The following RABGAP1 variants were observed in gnomAD, a reference collection of about 807,000 sequenced individuals.
RABGAP1 encodes rab GTPase-activating protein 1.
Under a neutral mutation model 137.6 loss-of-function variants are expected in RABGAP1, and 23 were observed. The ratio of observed to expected loss-of-function variants is 0.17; its 90% CI spans 0.12 to 0.24. The LOEUF is 0.24. Ranked by LOEUF, RABGAP1 falls within the 10% of genes least tolerant of loss-of-function variation. RABGAP1 has a pLI of 1.00. For synonymous variants in RABGAP1, 451 were observed against 450.7 expected (o/e 1.00, Z -0.01); for missense variants, 906 against 1,275.8 (o/e 0.71, Z 4.42).
chr9:123,091,098 A>C (rs568614205), intron 21 of RABGAP1, among the ~76,000 whole-genome samples: 1 of 152,366 alleles, frequency 6.6e-6, no homozygotes, highest in Non-Finnish European at 1.5e-5. Flanking sequence ...ATGAATGAGC[A>C]TGGCTATGTT....
intron 13 of RABGAP1, chr9:123,029,741 C>A: frequency 1.6e-6 from 1 of 627,492 alleles, no homozygotes; most frequent in South Asian, 1.4e-5. Context: ...TTCTTGTAGT[C>A]CTTGGGTGGC....
chr9:122,991,537 T>C (rs1451255036), intron 6 of RABGAP1, among the ~76,000 whole-genome samples: 2 of 152,048 alleles, frequency 1.3e-5, no homozygotes. Flanking sequence ...GCTTAAACTT[T>C]GAGGAGTAAA....
At chr9:122,962,100 C>G (rs769262987) in intron 2 of RABGAP1, among the ~76,000 whole-genome samples, 2 of 151,792 alleles carry the variant, frequency 1.3e-5, no homozygotes, top group South Asian at 4.2e-4. Context: ...TATAGCAATA[C>G]CACAAAAGGC....
Position 122,989,436 on chromosome 9 carries a change from A to C in RABGAP1, c.730A>C (p.Arg244=). 1.9e-6 allele frequency: 3 copies of C among 1,614,092 alleles called. No individual in the cohort carries two copies. The highest frequency in any genetic ancestry group is 2.5e-6 in the Non-Finnish European group (3 of 1,180,006). ...TESHYNAELF[R]IHVFRCEIQE... ...AAGTCATTACAATGCAGAGCTCTTC[A>C]GAATACACGTCTTCCGGTGTGAAAT... The change falls in exon 5 of 26, where the codon AGA becomes CGA. Residue 244 remains arginine (R), a synonymous_variant. Coordinates refer to ENST00000373647, the MANE Select transcript of RABGAP1 (RefSeq NM_012197.4).
intron 1 of RABGAP1, chr9:122,945,885 C>T (rs951168380): frequency 2.6e-5 from 4 of 152,102 alleles, no homozygotes; most frequent in Non-Finnish European, 4.4e-5. Context: ...TGGTAACTAA[C>T]CAACAACCTA....
intron 13 of RABGAP1, among the ~76,000 whole-genome samples, chr9:123,051,216 GTTTTTTTTTTTTTTTTTTTTTT>G (rs552457119): frequency 1.2e-4 from 4 of 34,280 alleles, no homozygotes; most frequent in Non-Finnish European, 1.1e-4. Context: ...ATTCACCTTG[GTTTTTTTTTTTTTTTTTTTTTT>G]TTTTTTTTTT....
At chr9:122,963,342 G>T (rs1834953501) in intron 2 of RABGAP1, among the ~76,000 whole-genome samples, 1 of 152,170 alleles carries the variant, frequency 6.6e-6, no homozygotes. Flanking sequence ...AAATGACACT[G>T]TTGACCAACT....
At chr9:122,973,690 T>C (rs10985844) in intron 2 of RABGAP1, among the ~76,000 whole-genome samples, 94,839 of 152,150 alleles carry the variant, frequency 0.62, 36,785 homozygotes, top group Non-Finnish European at 0.86. Flanking sequence ...AATCTTCTGA[T>C]TTGGTTTCTG....
intron 13 of RABGAP1, chr9:123,034,949 A>G: frequency 6.2e-7 from 1 of 1,612,892 alleles, no homozygotes; most frequent in Non-Finnish European, 8.5e-7. Flanking sequence ...ATTGATAGAT[A>G]CATTGCCATT....
chr9:123,063,895 G>T (rs1169705637), intron 13 of RABGAP1, among the ~76,000 whole-genome samples: 3 of 152,114 alleles, frequency 2.0e-5, no homozygotes, highest in Non-Finnish European at 4.4e-5. Flanking sequence ...TGTCCAGCTT[G>T]TCGTTTATTT....
intron 13 of RABGAP1, among the ~76,000 whole-genome samples, chr9:123,047,792 C>T (rs2033270401): frequency 6.6e-6 from 1 of 151,908 alleles, no homozygotes; most frequent in South Asian, 2.1e-4. Flanking sequence ...TTACGGAATT[C>T]TTAATGCAGT....
chr9:122,998,676 A>G lies in RABGAP1; in HGVS notation c.1284A>G (p.Thr428=). The G allele has an allele frequency of 1.2e-6, 2 of 1,612,244 alleles. No individual in the cohort carries two copies. The highest frequency in any genetic ancestry group is 1.7e-6 in the Non-Finnish European group (2 of 1,178,338). The stretch of plus-strand genomic sequence containing the variant: ...AGCCTGTTCGATTTCTCCTGGAGAC[A>G]AAAGTCCGCGTTTGCTCACCTAATG... ...VQEPVRFLLE[T]KVRVCSPNER... The change falls in exon 10 of 26, where the codon ACA becomes ACG. Residue 428 remains threonine, a synonymous_variant. Transcript: ENST00000373647.
At chr9:122,974,862 A>G (rs1835682676) in intron 2 of RABGAP1, among the ~76,000 whole-genome samples, 1 of 152,338 alleles carries the variant, frequency 6.6e-6, no homozygotes, top group Non-Finnish European at 1.5e-5. Flanking sequence ...CAGAACAGCC[A>G]TGGTTTATAA....
intron 1 of RABGAP1, among the ~76,000 whole-genome samples, chr9:122,942,045 G>C (rs1833605239): frequency 6.6e-6 from 1 of 152,220 alleles, no homozygotes; most frequent in Admixed American, 6.5e-5. Flanking sequence ...AAAAAAACCT[G>C]TTAGGGACAG....
intron 13 of RABGAP1, among the ~76,000 whole-genome samples, chr9:123,022,700 C>T (rs1218584480): frequency 2.6e-5 from 4 of 152,000 alleles, no homozygotes; most frequent in African/African-American, 9.7e-5. Context: ...CCACCGCGCC[C>T]GGCCCCCCAA....
At chr9:123,090,741 A>G (rs1483041555) in intron 21 of RABGAP1, among the ~76,000 whole-genome samples, 1 of 152,244 alleles carries the variant, frequency 6.6e-6, no homozygotes, top group Non-Finnish European at 1.5e-5. Flanking sequence ...AGATTTTGTT[A>G]TCCTACATAT....
chr9:123,000,578 A>C (rs1387800616), intron 10 of RABGAP1, among the ~76,000 whole-genome samples: 1 of 152,132 alleles, frequency 6.6e-6, no homozygotes, highest in African/African-American at 2.4e-5. Context: ...CAAACTTAAC[A>C]TGTCCAAAAA....
intron 1 of RABGAP1, among the ~76,000 whole-genome samples, chr9:122,952,405 C>T (rs1834302052): frequency 6.6e-6 from 1 of 151,932 alleles, no homozygotes; most frequent in Non-Finnish European, 1.5e-5. Flanking sequence ...ACTACAGGCG[C>T]CTGCCCCCAT....
At chr9:123,038,093 G>A (rs1439708815) in intron 13 of RABGAP1, among the ~76,000 whole-genome samples, 1 of 152,082 alleles carries the variant, frequency 6.6e-6, no homozygotes, top group African/African-American at 2.4e-5. Flanking sequence ...TTTTAATGCA[G>A]TGATTTCAGT....
Sources: allele counts gnomAD v4.1 joint callset (sites outside exome capture counted in the v4.1 genomes callset), GRCh38; gene constraint gnomAD v4.1.1; transcripts MANE v1.5; gene names NCBI Gene and HGNC (gene_info 2026-07-23, HGNC 2026-07-21).